The following A2M variants were observed in gnomAD, a reference collection of about 807,000 sequenced individuals.
A2M encodes the protein C3 and PZP-like alpha-2-macroglobulin domain-containing protein 5.
A neutral mutation model predicts 183.9 loss-of-function variants in A2M; 128 were observed. That is an observed-to-expected ratio of 0.70 (90% confidence interval 0.60 to 0.81). The LOEUF (loss-of-function observed/expected upper bound fraction) is 0.81. Ranked by LOEUF, A2M falls within the 30% of genes least tolerant of loss-of-function variation. A2M has a pLI of 0.00. For synonymous variants in A2M, 592 were observed against 670.8 expected, an observed-to-expected ratio of 0.88 and a Z score of 1.81; for missense variants, 1,495 against 1,787.6, an observed-to-expected ratio of 0.84 and a Z score of 2.95.
At chr12:9,072,085 A>G (rs1948596193) in intron 31 of A2M, among the ~76,000 whole-genome samples, 1 of 152,238 alleles carries the variant, frequency 6.6e-6, no homozygotes, top group Non-Finnish European at 1.5e-5. Flanking sequence ...TCATTACATA[A>G]CAAGGAATTC....
chr12:9,077,863 C>T lies in A2M; in HGVS notation c.3120-6G>A, dbSNP rs1565581225. 2 of 1,614,082 alleles carry T rather than the reference C, an allele frequency of 1.2e-6. No homozygotes were observed. The highest frequency in any genetic ancestry group is 3.3e-5 in the Admixed American group (2 of 60,012). Reference sequence around the variant, plus strand: ...TCAGAACAAAGGCTGTGAGCCTGACCAGGGAGGAAGCAATCATGATGTTTA... The same window carrying T: ...TCAGAACAAAGGCTGTGAGCCTGACTAGGGAGGAAGCAATCATGATGTTTA... On this transcript the variant is annotated splice_region_variant and splice_polypyrimidine_tract_variant and intron_variant, in intron 25 of 35. Transcript: ENST00000318602.
At chr12:9,067,966 C>G (rs1209014779) in intron 35 of A2M, 127 bp from the exon 36 acceptor site, 2 of 1,048,838 alleles carry the variant, frequency 1.9e-6, no homozygotes, top group African/African-American at 1.6e-5. Flanking sequence ...GAAACCAAAT[C>G]TATTCCAAAT....
chr12:9,108,088 G>A (rs1041104681), intron 7 of A2M, among the ~76,000 whole-genome samples: 1 of 150,446 alleles, frequency 6.6e-6, no homozygotes, highest in Non-Finnish European at 1.5e-5. Context: ...TCTCTATATC[G>A]AGTTTCACTT....
intron 28 of A2M, among the ~76,000 whole-genome samples, chr12:9,076,403 T>C (rs1451868582): frequency 1.3e-5 from 2 of 152,224 alleles, no homozygotes; most frequent in Non-Finnish European, 2.9e-5. Context: ...CAAGCTCACA[T>C]AGGTAGCACA....
At chr12:9,101,258 T>C (rs1937822636) in intron 12 of A2M, 51 bp from the exon 13 acceptor site, 4 of 1,517,052 alleles carry the variant, frequency 2.6e-6, no homozygotes, top group Non-Finnish European at 3.6e-6. Flanking sequence ...AGAACACGCT[T>C]CAGTCTCACT....
chr12:9,110,593 T>A (rs2137962218), intron 4 of A2M, among the ~76,000 whole-genome samples: 1 of 151,722 alleles, frequency 6.6e-6, no homozygotes, highest in Non-Finnish European at 1.5e-5. Context: ...GATTGGATAA[T>A]GATATGGATA....
intron 6 of A2M, 26 bp downstream of exon 6, chr12:9,109,841 G>T: frequency 6.4e-7 from 1 of 1,563,882 alleles, no homozygotes; most frequent in Non-Finnish European, 8.6e-7. Context: ...GAAAAATAAT[G>T]CTTGATGACT....
At chr12:9,104,922 T>A (rs1258504455) in intron 10 of A2M, among the ~76,000 whole-genome samples, 1 of 152,214 alleles carries the variant, frequency 6.6e-6, no homozygotes. Flanking sequence ...TGCCAATACA[T>A]TGTCCTGTGT....
intron 18 of A2M, 29 bp downstream of exon 18, chr12:9,093,436 G>T: frequency 6.8e-7 from 1 of 1,470,474 alleles, no homozygotes; most frequent in Non-Finnish European, 9.5e-7. Context: ...CTCTATTGTT[G>T]CATATTGCAT....
At chr12:9,109,488 C>G in intron 6 of A2M, 83 bp from the exon 7 acceptor site, 2 of 1,031,408 alleles carry the variant, frequency 1.9e-6, no homozygotes, top group Non-Finnish European at 3.0e-6. Flanking sequence ...GTAACAGTTC[C>G]CTAATAATAT....
chr12:9,077,593 T>C (rs1240111151), intron 26 of A2M, 108 bp downstream of exon 26: 2 of 1,534,404 alleles, frequency 1.3e-6, no homozygotes, highest in Admixed American at 3.9e-5. Context: ...ATCCAGGTTT[T>C]ATTTTCCTCT....
At chr12:9,071,726 G>A (rs1948586556) in intron 31 of A2M, among the ~76,000 whole-genome samples, 1 of 152,104 alleles carries the variant, frequency 6.6e-6, no homozygotes, top group Admixed American at 6.6e-5. Context: ...AGTTTGCCAA[G>A]GATAATGACC....
At chr12:9,110,093 A>G in intron 5 of A2M, 58 bp from the exon 6 acceptor site, 1 of 1,542,100 alleles carries the variant, frequency 6.5e-7, no homozygotes, top group East Asian at 2.3e-5. Flanking sequence ...GAGCTAATAA[A>G]AGATATCTAT....
rs1261137715 is a variant in A2M, at chr12:9,091,436, A to G, written c.2241-7T>C. On this transcript the variant is annotated splice_polypyrimidine_tract_variant and splice_region_variant and intron_variant, in intron 18 of 35. Transcript: ENST00000318602. ...CTCAGCCACACCTGCTGAGCTGGAGAGGAGTGTAAGTGAAGAACAGAAAGT... is the reference window on the plus strand; with the variant it reads ...CTCAGCCACACCTGCTGAGCTGGAGGGGAGTGTAAGTGAAGAACAGAAAGT... 6.2e-7 allele frequency: 1 copy of G among 1,613,736 alleles called. No homozygotes were observed. Among genetic ancestry groups the G allele is most frequent in the East Asian group, 2.2e-5 (1 of 44,878 alleles).
chr12:9,076,822 G>C lies in A2M; in HGVS notation c.3466C>G (p.Leu1156Val). The C allele has an allele frequency of 1.9e-6, 3 of 1,614,028 alleles. No individual in the cohort carries two copies. Among genetic ancestry groups the C allele is most frequent in the Non-Finnish European group, 2.5e-6 (3 of 1,179,984 alleles). ...TTCCTCTTGTCCTGGTTACCTGCCA[G>C]GGCAAAAGCATAGGCCAGCAGTGCT... Reference protein sequence around the residue: ...TKALLAYAFALAGNQDKRKEV... With the variant: ...TKALLAYAFAVAGNQDKRKEV... Residue 1156 changes from leucine to valine, a missense_variant, in exon 28 of 36, where the codon CTG (leucine) becomes GTG (valine). By Grantham distance (32) the Leu-to-Val change is conservative (BLOSUM62 1). Transcript: ENST00000318602.
In A2M at chr12:9,091,502, G is replaced by C. The variant is rs1321877958; in HGVS notation, c.2241-73C>G. 2.1e-6 allele frequency: 3 copies of C among 1,463,394 alleles called. No individual in the cohort carries two copies. The African/African-American group carries it at 4.2e-5, about 20-fold the overall frequency. 90.7% of individuals were successfully genotyped at this position (1,463,394 alleles called of 1,614,324 possible). A position where few individuals can be genotyped will look rare whatever the true frequency, so the allele number is the denominator to read the frequency against. Reference sequence around the variant, plus strand: ...TCCTTTCTAGGGAGAGAATCCCTAGGAATGATTCTACTGCCATGACTTAAA... The same window carrying C: ...TCCTTTCTAGGGAGAGAATCCCTAGCAATGATTCTACTGCCATGACTTAAA... On this transcript the variant is annotated intron_variant, in intron 18 of 35. Transcript: ENST00000318602.
chr12:9,109,962 G>C lies in A2M; in HGVS notation c.578C>G (p.Pro193Arg). The change falls in exon 6 of 36, where the codon CCC becomes CGC. Residue 193 changes from proline to arginine, a missense_variant. Transcript: ENST00000318602. The stretch of plus-strand genomic sequence containing the variant: ...GCCCTGGAAGGGCTCTGATGAGAGG[G>C]GAAAAGAAAATTGCTTGAGGCCACC... ...LEGGLKQFSF[P>R]LSSEPFQGSY... is the part of the protein sequence containing the mutation. 6.2e-7 allele frequency: 1 copy of C among 1,613,738 alleles called. No individual in the cohort carries two copies. Among genetic ancestry groups the C allele is most frequent in the Admixed American group, 1.7e-5 (1 of 60,000 alleles).
chr12:9,075,222 A>G (rs1385317097), intron 28 of A2M, among the ~76,000 whole-genome samples: 1 of 152,236 alleles, frequency 6.6e-6, no homozygotes, highest in Non-Finnish European at 1.5e-5. Context: ...AAAATACAGT[A>G]ATCCTTGAAA....
chr12:9,100,007 C>T (rs1468837773), intron 13 of A2M, among the ~76,000 whole-genome samples: 1 of 152,162 alleles, frequency 6.6e-6, no homozygotes, highest in East Asian at 1.9e-4. Flanking sequence ...CTTCAGTCTG[C>T]TATGGTGCTT....
Sources: gnomAD v4.1 joint callset for allele counts (sites outside exome capture counted in the v4.1 genomes callset) on GRCh38, gnomAD v4.1.1 for gene constraint, MANE v1.5 for transcripts, NCBI Gene and HGNC (gene_info 2026-07-23, HGNC 2026-07-21) for gene names.